Variants in ZFHX3 observed in about 807,000 individuals in gnomAD.
ZFHX3 encodes the protein zinc finger homeobox 3.
In ZFHX3, 42 loss-of-function variants were observed where a neutral mutation model predicts 279.1. That is an observed-to-expected ratio of 0.15 (90% confidence interval 0.12 to 0.19). The LOEUF (loss-of-function observed/expected upper bound fraction) is 0.19, where lower values mean the gene tolerates loss of function less well. Among genes scored for constraint, ZFHX3 ranks in the 10% least tolerant of loss-of-function variants. ZFHX3 has a pLI of 1.00. For missense variants in ZFHX3, 4,981 were observed against 4,754.0 expected (o/e 1.05, Z -1.40); for synonymous variants, 2,293 against 1,957.8 (o/e 1.17, Z -4.52).
chr16:73,317,155 A>G (rs59297135), intron 4 of ZFHX3, among the ~76,000 whole-genome samples: 18,420 of 151,518 alleles, frequency 0.12, 1,626 homozygotes, highest in African/African-American at 0.24. Context: ...TGGTGGTGAA[A>G]ACAATACCCA....
At chr16:73,419,396 G>C (rs940567050) in intron 3 of ZFHX3, among the ~76,000 whole-genome samples, 11 of 152,120 alleles carry the variant, frequency 7.2e-5, no homozygotes, top group African/African-American at 2.4e-4. Flanking sequence ...GCTATTTCCA[G>C]AAGTCAACAC....
intron 1 of ZFHX3, among the ~76,000 whole-genome samples, chr16:73,857,004 C>A (rs2142385816): frequency 6.6e-6 from 1 of 152,330 alleles, no homozygotes; most frequent in Admixed American, 6.5e-5. Flanking sequence ...GCGGCACAGA[C>A]AAACAGAGTG....
At chr16:73,034,804 G>A (rs990948462) in intron 1 of ZFHX3, among the ~76,000 whole-genome samples, 2 of 152,168 alleles carry the variant, frequency 1.3e-5, no homozygotes, top group Non-Finnish European at 2.9e-5. Flanking sequence ...CCACCTGTAC[G>A]CCAGGAAGCA....
At chr16:73,585,042 T>C (rs8063127) in intron 2 of ZFHX3, among the ~76,000 whole-genome samples, 10,701 of 152,168 alleles carry the variant, frequency 0.07, 1,303 homozygotes, top group African/African-American at 0.24. Context: ...CTCACACCAG[T>C]CAGAATGGCA....
At chr16:73,062,484 A>T (rs986083625), upstream of ZFHX3, among the ~76,000 whole-genome samples, 1 of 152,242 alleles carries the variant, frequency 6.6e-6, no homozygotes, top group African/African-American at 2.4e-5. Flanking sequence ...TAACATAAAA[A>T]GGTTGATTTA....
chr16:73,881,658 C>T (rs2030170041), intron 1 of ZFHX3, among the ~76,000 whole-genome samples: 1 of 151,606 alleles, frequency 6.6e-6, no homozygotes, highest in Non-Finnish European at 1.5e-5. Flanking sequence ...CTAGGGTTCC[C>T]ACTACTTAGT....
At chr16:72,922,767 T>C (rs2039614990) in intron 3 of ZFHX3, among the ~76,000 whole-genome samples, 2 of 152,180 alleles carry the variant, frequency 1.3e-5, no homozygotes, top group Admixed American at 1.3e-4. Flanking sequence ...TAGAACAGGA[T>C]ATTCTATTTT....
At chr16:73,340,187 C>A (rs1014829157) in intron 3 of ZFHX3, among the ~76,000 whole-genome samples, 3 of 152,142 alleles carry the variant, frequency 2.0e-5, no homozygotes, top group Non-Finnish European at 4.4e-5. Flanking sequence ...AAGAGGTGCT[C>A]AGAGGAGGTT....
chr16:73,294,478 T>C (rs1299494800), intron 4 of ZFHX3, among the ~76,000 whole-genome samples: 2 of 152,146 alleles, frequency 1.3e-5, no homozygotes, highest in Non-Finnish European at 2.9e-5. Flanking sequence ...TTGGAGACAG[T>C]AGAATACAAG....
chr16:73,865,772 G>A (rs1471638513), intron 1 of ZFHX3, among the ~76,000 whole-genome samples: 3 of 151,226 alleles, frequency 2.0e-5, no homozygotes, highest in Admixed American at 2.0e-4. Context: ...AAGGTCAGGA[G>A]ATCAAGACCA....
At chr16:73,537,375 G>A (rs2019922973) in intron 2 of ZFHX3, among the ~76,000 whole-genome samples, 1 of 144,576 alleles carries the variant, frequency 6.9e-6, no homozygotes, top group South Asian at 2.2e-4. Flanking sequence ...GGAGTGCAGT[G>A]GCGCGATCTT....
intron 5 of ZFHX3, among the ~76,000 whole-genome samples, chr16:73,200,623 C>T (rs1315877869): frequency 2.0e-5 from 3 of 152,160 alleles, no homozygotes; most frequent in Non-Finnish European, 2.9e-5. Flanking sequence ...TGTAGCTTAC[C>T]TAACTCTATG....
chr16:73,238,187 G>A (rs2013011883), intron 5 of ZFHX3, among the ~76,000 whole-genome samples: 1 of 152,150 alleles, frequency 6.6e-6, no homozygotes, highest in Non-Finnish European at 1.5e-5. Flanking sequence ...AAATATTAGT[G>A]TTTCTGAAGA....
chr16:73,031,910 A>G (rs1016748953), intron 1 of ZFHX3, among the ~76,000 whole-genome samples: 2 of 152,160 alleles, frequency 1.3e-5, no homozygotes, highest in African/African-American at 2.4e-5. Context: ...CAGCACCCCA[A>G]TAGAATGCAC....
At chr16:73,483,387 G>T in intron 2 of ZFHX3, 2 of 455,788 alleles carry the variant, frequency 4.4e-6, no homozygotes, top group Non-Finnish European at 4.4e-6. Context: ...AGAGAGCCGG[G>T]AGCCAGGGTA....
chr16:73,267,766 A>G (rs2144976093), intron 4 of ZFHX3, among the ~76,000 whole-genome samples: 1 of 152,312 alleles, frequency 6.6e-6, no homozygotes, highest in East Asian at 1.9e-4. Context: ...TAGATTCTCA[A>G]AGACTCAGCA....
At chr16:73,787,253 C>T (rs1317718879) in intron 1 of ZFHX3, among the ~76,000 whole-genome samples, 1 of 152,136 alleles carries the variant, frequency 6.6e-6, no homozygotes, top group Non-Finnish European at 1.5e-5. Flanking sequence ...ATGATCATCA[C>T]TGATTTATCC....
rs538624081 is a variant in ZFHX3, at chr16:73,481,624, G to T, written c.-1546-25366C>A. ...TTAATGTGCGTGGTGTTGTTTTTTT[G>T]TTGTTGTTTGTTTGTTTGTTTGTTT... On this transcript the variant is annotated intron_variant, in intron 2 of 17. Coordinates refer to the ZFHX3 transcript ENST00000641206. Among the ~76,000 whole-genome samples the T allele has an allele frequency of 4.8e-3, 709 of 147,968 alleles. 6 individuals carry two copies. The highest frequency in any genetic ancestry group is 7.4e-3 in the Non-Finnish European group (496 of 67,424).
At position 73,634,501 on chromosome 16, in the gene ZFHX3, T is replaced by C. The variant is rs116903602; in HGVS notation, c.-1547+45679A>G. The stretch of plus-strand genomic sequence containing the variant: ...AAAGTCATAACCCCATTAACACTCA[T>C]TGTTGGCCTATTTCCCCAGATATTT... On this transcript the variant is annotated intron_variant, in intron 2 of 17. Transcript: ENST00000641206. Among the ~76,000 whole-genome samples, 623 of 149,338 alleles carry C rather than the reference T, an allele frequency of 4.2e-3. 4 individuals carry two copies. Among genetic ancestry groups the C allele is most frequent in the Middle Eastern group, 7.0e-3 (2 of 286 alleles).
Sources: allele counts gnomAD v4.1 joint callset (sites outside exome capture counted in the v4.1 genomes callset), GRCh38; gene constraint gnomAD v4.1.1; transcripts MANE v1.5; gene names NCBI Gene and HGNC (gene_info 2026-07-23, HGNC 2026-07-21).